ACADM: variants seen among roughly 807,000 people sequenced by gnomAD.
ACADM encodes acyl-CoA dehydrogenase medium chain, also known as medium-chain specific acyl-CoA dehydrogenase, mitochondrial.
In ACADM, 49 loss-of-function variants were observed where a neutral mutation model predicts 58.9. That is an observed-to-expected ratio of 0.83 (90% CI 0.66 to 1.06). The LOEUF is 1.06. ACADM is among the 50% of genes least tolerant of loss of function. ACADM has a pLI of 0.00. For synonymous variants in ACADM, 160 were observed against 157.7 expected (o/e 1.01, Z -0.11); for missense variants, 496 against 507.0 (o/e 0.98, Z 0.21).
At chr1:75,747,885 A>G (rs1034626615) in intron 8 of ACADM, among the ~76,000 whole-genome samples, 2 of 152,208 alleles carry the variant, frequency 1.3e-5, no homozygotes, top group Admixed American at 1.3e-4. Flanking sequence ...TAAATCTGGT[A>G]GGGTGTTTTC....
At chr1:75,731,109 C>G (rs1228504492) in intron 2 of ACADM, among the ~76,000 whole-genome samples, 1 of 151,156 alleles carries the variant, frequency 6.6e-6, no homozygotes, top group African/African-American at 2.4e-5. Flanking sequence ...CCCGTCTCTA[C>G]TAAAAATACA....
Position 75,733,552 on chromosome 1 carries a change from A to G in ACADM, c.311A>G (p.Asp104Gly), listed in dbSNP as rs1647187729. ...GGAGGTCTTGGACTTGGAACTTTTG[A>G]TGCTTGTTTAATTAGTGAAGAATTG... ...NCGGLGLGTF[D>G]ACLISEELAY... Residue 104 changes from aspartate (D) to glycine (G), a missense_variant, in exon 5 of 12, where the codon GAT becomes GGT. Transcript: ENST00000370841. 1.2e-5 allele frequency: 19 copies of G among 1,614,072 alleles called. No individual in the cohort carries two copies. Among genetic ancestry groups the G allele is most frequent in the Non-Finnish European group, 1.6e-5 (19 of 1,180,006 alleles).
At chr1:75,735,786 G>A (rs1647241284) in intron 6 of ACADM, among the ~76,000 whole-genome samples, 2 of 150,544 alleles carry the variant, frequency 1.3e-5, no homozygotes, top group South Asian at 4.2e-4. Flanking sequence ...AGAGGTTGCT[G>A]AGTAAAGATG....
intron 1 of ACADM, 77 bp from the exon 2 acceptor site, chr1:75,728,324 C>T (rs1214380996): frequency 8.2e-7 from 1 of 1,222,224 alleles, no homozygotes; most frequent in East Asian, 2.4e-5. Flanking sequence ...GCTGTACTCA[C>T]TTATGATTAT....
intron 10 of ACADM, among the ~76,000 whole-genome samples, chr1:75,758,680 C>T (rs1648645178): frequency 6.6e-6 from 1 of 152,132 alleles, no homozygotes; most frequent in South Asian, 2.1e-4. Context: ...TAAAAATGCA[C>T]CAATCAGTGC....
At position 75,724,730 on chromosome 1, in the gene ACADM, A is replaced by T; in HGVS notation, c.-58A>T. ...GACCAGAGGAGTCCCGCGTTCGGGGAGTATGTCAAGGCCGTGACCCGTGTA... is the reference window on the plus strand; with the variant it reads ...GACCAGAGGAGTCCCGCGTTCGGGGTGTATGTCAAGGCCGTGACCCGTGTA... On this transcript the variant is annotated 5_prime_UTR_variant, in exon 1 of 12. Coordinates refer to ENST00000370841, the MANE Select transcript of ACADM (RefSeq NM_000016.6). 4 of 1,537,344 alleles carry T rather than the reference A, an allele frequency of 2.6e-6. No homozygotes were observed. The highest frequency in any genetic ancestry group is 3.5e-6 in the Non-Finnish European group (4 of 1,140,524).
chr1:75,743,497 T>C (rs1557453072), intron 7 of ACADM: 9 of 1,610,110 alleles, frequency 5.6e-6, no homozygotes, highest in Non-Finnish European at 7.7e-6. Context: ...CTCTCTGCCA[T>C]CAATCAGCCG....
In ACADM at chr1:75,762,697, T is replaced by C; in HGVS notation, c.1200T>C (p.Tyr400=). The C allele has an allele frequency of 6.2e-7, 1 of 1,601,776 alleles. No homozygotes were observed. Among genetic ancestry groups the C allele is most frequent in the Non-Finnish European group, 8.6e-7 (1 of 1,169,208 alleles). Residue 400 remains tyrosine (Y), a synonymous_variant, in exon 12 of 12, where the codon TAT becomes TAC. Coordinates refer to ENST00000370841, the MANE Select transcript of ACADM (RefSeq NM_000016.6). The part of the protein sequence containing the change: ...LMRDAKIYQI[Y]EGTSQIQRLI... ...CACTTATATTTTTCTTGCAGATTTA[T>C]GAAGGTACTTCACAAATTCAAAGAC...
chr1:75,725,232 T>C (rs1647032318), intron 1 of ACADM, among the ~76,000 whole-genome samples: 1 of 142,866 alleles, frequency 7.0e-6, no homozygotes, highest in African/African-American at 2.8e-5. Context: ...GTTTCCACGT[T>C]GCTTACGGGA....
At chr1:75,734,748 A>C (rs1647210862) in intron 5 of ACADM, 43 bp from the exon 6 acceptor site, 1 of 1,449,726 alleles carries the variant, frequency 6.9e-7, no homozygotes, top group Admixed American at 1.7e-5. Flanking sequence ...TTACATATCC[A>C]ATAAAAATGA....
At chr1:75,727,797 T>C (rs914291619) in intron 1 of ACADM, among the ~76,000 whole-genome samples, 23 of 152,206 alleles carry the variant, frequency 1.5e-4, no homozygotes, top group Admixed American at 5.2e-4. Context: ...ATAGACAGCA[T>C]GATGTGGCTG....
At chr1:75,747,594 T>C (rs1647968986) in intron 8 of ACADM, among the ~76,000 whole-genome samples, 1 of 152,182 alleles carries the variant, frequency 6.6e-6, no homozygotes, top group Admixed American at 6.5e-5. Flanking sequence ...AGGACCAGCC[T>C]GGGCAACATA....
rs1434876566 is a variant in ACADM, at chr1:75,726,268, G to A, written c.30+1451G>A. Reference sequence around the variant, plus strand: ...ACTAAAAATAGGAAAAATTAGCTGGGCATGGTAGCATATGCCTGTAATCCC... The same window carrying A: ...ACTAAAAATAGGAAAAATTAGCTGGACATGGTAGCATATGCCTGTAATCCC... On this transcript the variant is annotated intron_variant, in intron 1 of 11. Coordinates refer to ENST00000370841, the MANE Select transcript of ACADM (RefSeq NM_000016.6). Among the ~76,000 whole-genome samples the A allele has an allele frequency of 4.0e-5, 6 of 151,746 alleles. No individual in the cohort carries two copies. The East Asian group carries it at 1.2e-3, about 29-fold the overall frequency.
rs184021327 is a variant in ACADM, at chr1:75,743,308, G to A, written c.600-2498G>A. On this transcript the variant is annotated intron_variant, in intron 7 of 11. Transcript: ENST00000370841. ...CATAGTGCTCTGCTTCCTTGCTTGAGGCCAACAGCATGTGCCTGTCACCAG... is the reference window on the plus strand; with the variant it reads ...CATAGTGCTCTGCTTCCTTGCTTGAAGCCAACAGCATGTGCCTGTCACCAG... 78 of 1,232,250 alleles carry A rather than the reference G, an allele frequency of 6.3e-5. No homozygotes were observed. In the East Asian group the frequency reaches 1.8e-3, roughly 28 times the overall value. The allele number at this position is 1,232,250 out of a possible 1,614,324, so 76.3% of individuals were successfully genotyped here. A position where few individuals can be genotyped will look rare whatever the true frequency, so the allele number is the denominator to read the frequency against.
In ACADM at chr1:75,750,468, TGGATTA is replaced by T. The variant is rs1031131115; in HGVS notation, c.869_874del (p.Gly290_Leu291del). 6.2e-7 allele frequency: 1 copy of T among 1,611,826 alleles called. No individual in the cohort carries two copies. Among genetic ancestry groups the T allele is most frequent in the African/African-American group, 1.3e-5 (1 of 74,900 alleles). ...AATACTAGGTAGCTGCTGGTGCTGT[TGGATTA>T]GCACAAAGAGCTTTGGATGAAGCTA... is the stretch of plus-strand genomic sequence containing the variant. On this transcript the variant is annotated inframe_deletion, in exon 10 of 12. Coordinates refer to ENST00000370841, the MANE Select transcript of ACADM (RefSeq NM_000016.6).
At chr1:75,727,311 T>TAA (rs1647072615) in intron 1 of ACADM, among the ~76,000 whole-genome samples, 1 of 152,238 alleles carries the variant, frequency 6.6e-6, no homozygotes, top group African/African-American at 2.4e-5. Flanking sequence ...AGACAGTTTC[T>TAA]TTTTACGGAT....
intron 4 of ACADM, chr1:75,733,180 G>A (rs1488801353): frequency 1.9e-6 from 3 of 1,611,792 alleles, no homozygotes; most frequent in Non-Finnish European, 1.7e-6. Flanking sequence ...TGGTCAATTT[G>A]TTGTGTTTTA....
At chr1:75,737,863 T>C (rs1265861691) in intron 6 of ACADM, among the ~76,000 whole-genome samples, 1 of 152,214 alleles carries the variant, frequency 6.6e-6, no homozygotes, top group Non-Finnish European at 1.5e-5. Flanking sequence ...GTGATTTCAC[T>C]GTACTTTTCT....
Position 75,737,298 on chromosome 1 carries a change from A to G in ACADM, c.468+2427A>G, listed in dbSNP as rs895725364. Among the ~76,000 whole-genome samples, 187 of 87,914 alleles carry G rather than the reference A, an allele frequency of 2.1e-3. 1 individual carries two copies. The highest frequency in any genetic ancestry group is 4.6e-3 in the African/African-American group (100 of 21,958). The allele number at this position is 87,914 out of a possible 152,430, so 57.7% of individuals were successfully genotyped here. A position where few individuals can be genotyped will look rare whatever the true frequency, so the allele number is the denominator to read the frequency against. ...CACACAAATATATATATATATATAT[A>G]TATATATATATATATATATATATAT... On this transcript the variant is annotated intron_variant, in intron 6 of 11. Transcript: ENST00000370841.
Sources: allele counts gnomAD v4.1 joint callset (sites outside exome capture counted in the v4.1 genomes callset), GRCh38; gene constraint gnomAD v4.1.1; transcripts MANE v1.5; gene names NCBI Gene and HGNC (gene_info 2026-07-23, HGNC 2026-07-21).